Variants in ASTN2 observed in about 807,000 individuals in gnomAD.
The protein encoded by ASTN2 is astrotactin 2.
Under a neutral mutation model 139.8 loss-of-function variants are expected in ASTN2, and 54 were observed. The ratio of observed to expected loss-of-function variants is 0.39; its 90% CI spans 0.31 to 0.48. The LOEUF (loss-of-function observed/expected upper bound fraction) is 0.48, where lower values mean the gene tolerates loss of function less well. ASTN2 is among the 20% of genes least tolerant of loss of function. ASTN2 has a pLI of 0.95. For missense variants in ASTN2, 1,565 were observed against 1,725.1 expected (o/e 0.91, Z 1.64); for synonymous variants, 756 against 719.5 (o/e 1.05, Z -0.81).
intron 5 of ASTN2, among the ~76,000 whole-genome samples, chr9:117,074,021 A>G (rs1448747352): frequency 1.3e-5 from 2 of 152,148 alleles, no homozygotes; most frequent in Admixed American, 6.5e-5. Flanking sequence ...GGCGATGGCC[A>G]TTATTATCCC....
At position 116,698,305 on chromosome 9, in the gene ASTN2, A is replaced by G; in HGVS notation, c.2806+27466T>C. 2.5e-6 allele frequency: 4 copies of G among 1,614,168 alleles called. No individual in the cohort carries two copies. The South Asian group carries it at 3.3e-5, about 13-fold the overall frequency. On this transcript the variant is annotated intron_variant, in intron 16 of 22. Transcript: ENST00000313400. This position sits in a 1 kb window ranked among gnomAD's most constrained non-coding sequence, Gnocchi z 4.4. ...AGGTATAAAGCAGTTCTCCAGGAGT[A>G]TGGGCATGAGGAGCGCAGGGTCCAG...
intron 16 of ASTN2, among the ~76,000 whole-genome samples, chr9:116,680,910 C>A (rs1462474825): frequency 6.6e-6 from 1 of 152,172 alleles, no homozygotes; most frequent in African/African-American, 2.4e-5. Flanking sequence ...AACCCACAGC[C>A]AATATCATAC....
At chr9:116,956,093 T>TC (rs1443054588) in intron 10 of ASTN2, among the ~76,000 whole-genome samples, 43 of 103,170 alleles carry the variant, frequency 4.2e-4, no homozygotes, top group Non-Finnish European at 8.4e-4. Context: ...CTTTTTCTTT[T>TC]CTTTTTTTTT....
intron 5 of ASTN2, among the ~76,000 whole-genome samples, chr9:117,063,507 C>T (rs1839355587): frequency 6.6e-6 from 1 of 152,196 alleles, no homozygotes; most frequent in Admixed American, 6.5e-5. Flanking sequence ...TAAGACGTGC[C>T]TTTCACCTTC....
At chr9:116,430,964 C>T (rs1055197544) in intron 22 of ASTN2, among the ~76,000 whole-genome samples, 3 of 152,186 alleles carry the variant, frequency 2.0e-5, no homozygotes, top group African/African-American at 7.2e-5. Context: ...CCACTTTTGT[C>T]AAATACCGGA....
intron 10 of ASTN2, among the ~76,000 whole-genome samples, chr9:116,952,712 T>C (rs1279647094): frequency 6.6e-6 from 1 of 152,214 alleles, no homozygotes; most frequent in Non-Finnish European, 1.5e-5. Flanking sequence ...CATCCACACC[T>C]GCTGTCAGGA....
chr9:116,558,252 T>C (rs1238865474), intron 19 of ASTN2, among the ~76,000 whole-genome samples: 4 of 152,168 alleles, frequency 2.6e-5, no homozygotes, highest in Non-Finnish European at 5.9e-5. Context: ...GCAGCAGTAG[T>C]AGCAGCTTCT....
intron 2 of ASTN2, among the ~76,000 whole-genome samples, chr9:117,238,423 T>C (rs1054420208): frequency 2.0e-5 from 3 of 152,148 alleles, no homozygotes; most frequent in African/African-American, 7.2e-5. Context: ...AAGCTTTGGT[T>C]TTCCTATCTA....
intron 5 of ASTN2, among the ~76,000 whole-genome samples, chr9:117,082,720 T>C (rs1828461113): frequency 1.3e-5 from 2 of 152,120 alleles, no homozygotes; most frequent in South Asian, 4.2e-4. Flanking sequence ...CGAGAATCAC[T>C]TGAACCTGAG....
intron 19 of ASTN2, among the ~76,000 whole-genome samples, chr9:116,491,561 AG>A (rs1849518889): frequency 6.6e-6 from 1 of 152,226 alleles, no homozygotes; most frequent in South Asian, 2.1e-4. Flanking sequence ...ATCTGACAAC[AG>A]GAAGGGTTGT....
At chr9:116,733,250 A>C in intron 14 of ASTN2, 149 bp downstream of exon 14, 1 of 1,092,788 alleles carries the variant, frequency 9.2e-7, no homozygotes, top group East Asian at 2.4e-5. Flanking sequence ...GGAGCCCAAG[A>C]AAGGGTAAGT....
chr9:117,001,016 T>C (rs1250333901), intron 7 of ASTN2, among the ~76,000 whole-genome samples: 2 of 152,168 alleles, frequency 1.3e-5, no homozygotes, highest in Non-Finnish European at 2.9e-5. Context: ...TTGAAATCCC[T>C]GGAAAAACAC....
chr9:117,196,668 C>T (rs951021215), intron 3 of ASTN2, among the ~76,000 whole-genome samples: 3 of 152,134 alleles, frequency 2.0e-5, no homozygotes, highest in African/African-American at 4.8e-5. Flanking sequence ...TTGCATACTG[C>T]ACACTTCACC....
At chr9:116,531,439 C>T (rs561541131) in intron 19 of ASTN2, among the ~76,000 whole-genome samples, 64 of 152,202 alleles carry the variant, frequency 4.2e-4, no homozygotes, top group African/African-American at 1.5e-3. Context: ...CATATGTATA[C>T]GTGTGCCATG....
intron 7 of ASTN2, among the ~76,000 whole-genome samples, chr9:116,981,622 C>A (rs977297427): frequency 6.6e-6 from 1 of 152,228 alleles, no homozygotes; most frequent in African/African-American, 2.4e-5. Context: ...TTGGCCACCA[C>A]TTCAGTGTCC....
chr9:116,837,051 G>A (rs2132294357), intron 11 of ASTN2, among the ~76,000 whole-genome samples: 1 of 152,234 alleles, frequency 6.6e-6, no homozygotes, highest in Non-Finnish European at 1.5e-5. Flanking sequence ...GGAAGGCATA[G>A]GAGGGTTGTT....
chr9:116,745,621 C>T (rs1283029378), intron 13 of ASTN2, among the ~76,000 whole-genome samples: 5 of 152,182 alleles, frequency 3.3e-5, no homozygotes, highest in African/African-American at 1.2e-4. Flanking sequence ...GCCCTCCTCC[C>T]CACAGTCTGA....
chr9:116,960,051 A>C (rs1709685466), intron 10 of ASTN2, among the ~76,000 whole-genome samples: 1 of 152,070 alleles, frequency 6.6e-6, no homozygotes, highest in Admixed American at 6.5e-5. Flanking sequence ...CTGGGATTGT[A>C]AACTTTTTTT....
chr9:116,837,274 A>C (rs562621096), intron 11 of ASTN2, among the ~76,000 whole-genome samples: 1 of 152,276 alleles, frequency 6.6e-6, no homozygotes, highest in Admixed American at 6.5e-5. Context: ...TTTTATAGTA[A>C]GTAGGTGAGA....
Sources: allele counts gnomAD v4.1 joint callset (sites outside exome capture counted in the v4.1 genomes callset), GRCh38; gene constraint gnomAD v4.1.1; non-coding constraint Gnocchi (gnomAD v3.1); transcripts MANE v1.5; gene names NCBI Gene and HGNC (gene_info 2026-07-23, HGNC 2026-07-21).